LRRC20: variants seen among roughly 807,000 people sequenced by gnomAD.
LRRC20 encodes the protein leucine rich repeat containing 20, also known as leucine-rich repeat-containing protein 20.
Under a neutral mutation model 14.4 loss-of-function variants are expected in LRRC20, and 11 were observed. The ratio of observed to expected loss-of-function variants is 0.77; its 90% CI spans 0.48 to 1.27. LRRC20 has a LOEUF of 1.27. LRRC20 is among the 50% of genes most tolerant of loss of function. LRRC20 has a pLI of 0.00. For synonymous variants in LRRC20, 121 were observed against 107.3 expected (o/e 1.13, Z -0.79); for missense variants, 219 against 251.2 (o/e 0.87, Z 0.87).
intron 2 of LRRC20, among the ~76,000 whole-genome samples, chr10:70,372,755 T>G (rs1426831369): frequency 1.3e-5 from 2 of 152,054 alleles, no homozygotes; most frequent in African/African-American, 4.8e-5. Flanking sequence ...AATGTGCCAG[T>G]CTTTATTTAA....
chr10:70,369,071 T>C (rs1374934484), intron 2 of LRRC20, among the ~76,000 whole-genome samples: 1 of 152,250 alleles, frequency 6.6e-6, no homozygotes, highest in East Asian at 1.9e-4. Flanking sequence ...ATTGTTTCTT[T>C]AACTCAAGAC....
intron 3 of LRRC20, among the ~76,000 whole-genome samples, chr10:70,330,963 G>A (rs975983655): frequency 4.4e-4 from 67 of 152,356 alleles, no homozygotes; most frequent in Non-Finnish European, 2.2e-4. Context: ...GGGGACCCGG[G>A]GACCCTGAAC....
At chr10:70,375,853 G>A (rs1293921035) in intron 2 of LRRC20, among the ~76,000 whole-genome samples, 1 of 152,152 alleles carries the variant, frequency 6.6e-6, no homozygotes, top group South Asian at 2.1e-4. Flanking sequence ...TGCTGAATTC[G>A]ATTAAATGGG....
chr10:70,361,150 G>A (rs545304483), intron 2 of LRRC20, among the ~76,000 whole-genome samples: 3 of 152,240 alleles, frequency 2.0e-5, no homozygotes, highest in Admixed American at 6.5e-5. Context: ...AAGATTTGCT[G>A]GCTGTGAGCG....
chr10:70,336,949 G>T (rs1234255092), intron 3 of LRRC20, among the ~76,000 whole-genome samples: 1 of 152,182 alleles, frequency 6.6e-6, no homozygotes, highest in Admixed American at 6.5e-5. Context: ...TCTCTGCAGG[G>T]CCCACCTGCC....
chr10:70,347,665 C>G (rs1348214672), intron 2 of LRRC20, among the ~76,000 whole-genome samples: 1 of 151,830 alleles, frequency 6.6e-6, no homozygotes, highest in East Asian at 1.9e-4. Context: ...ACTAAAAATA[C>G]AAAAATCTGC....
At chr10:70,349,787 T>C (rs1048816657) in intron 2 of LRRC20, among the ~76,000 whole-genome samples, 1 of 152,148 alleles carries the variant, frequency 6.6e-6, no homozygotes, top group African/African-American at 2.4e-5. Flanking sequence ...AATGCAAAGA[T>C]TCAAAACCAA....
At chr10:70,377,519 T>G (rs1181861116) in intron 1 of LRRC20, among the ~76,000 whole-genome samples, 1 of 152,080 alleles carries the variant, frequency 6.6e-6, no homozygotes, top group Non-Finnish European at 1.5e-5. Context: ...GCTCACTTTT[T>G]TATAAAAATA....
At position 70,376,583 on chromosome 10, in the gene LRRC20, A is replaced by G. The variant is rs376758134; in HGVS notation, c.-50T>C. On this transcript the variant is annotated 5_prime_UTR_variant, in exon 2 of 5. Coordinates refer to ENST00000446961, the MANE Select transcript of LRRC20 (RefSeq NM_001278212.2). ...GCCCCCAGGCTGGTCTGCTTCTCAC[A>G]AAAGGGCCTGAGCCTGGGGAAGACG... 47 of 1,573,032 alleles carry G rather than the reference A, an allele frequency of 3.0e-5. No individual in the cohort carries two copies. Among genetic ancestry groups the G allele is most frequent in the Non-Finnish European group, 4.0e-5 (46 of 1,148,600 alleles).
At chr10:70,370,435 C>T (rs1184423759) in intron 2 of LRRC20, among the ~76,000 whole-genome samples, 2 of 152,138 alleles carry the variant, frequency 1.3e-5, no homozygotes, top group East Asian at 3.9e-4. Flanking sequence ...GAACAACAGA[C>T]TGAAACCCTC....
chr10:70,329,316 A>G (rs1348178547), intron 3 of LRRC20, among the ~76,000 whole-genome samples: 2 of 152,156 alleles, frequency 1.3e-5, no homozygotes, highest in Non-Finnish European at 2.9e-5. Flanking sequence ...GGGAAAAGCT[A>G]TCTTCTTCTT....
In LRRC20 at chr10:70,355,542, G is replaced by A. The variant is rs187083861; in HGVS notation, c.83-14840C>T. On this transcript the variant is annotated intron_variant, in intron 2 of 4. Transcript: ENST00000446961. ...GAAGAGAAGGGCAGAAAGGCACTTC[G>A]GGAAGGCGCGTCTTCTGAGACGTGG... is the stretch of plus-strand genomic sequence containing the variant. 6.1e-3 allele frequency among the ~76,000 whole-genome samples: 932 copies of A among 152,278 alleles called. 8 individuals carry two copies. Among genetic ancestry groups the A allele is most frequent in the Non-Finnish European group, 1.0e-2 (680 of 68,022 alleles).
chr10:70,326,508 G>A (rs1433100501), intron 3 of LRRC20, among the ~76,000 whole-genome samples: 3 of 152,210 alleles, frequency 2.0e-5, no homozygotes, highest in Non-Finnish European at 4.4e-5. Flanking sequence ...GAGGCAGACA[G>A]TGCAGGGGGC....
chr10:70,343,195 C>T (rs1345623086), intron 2 of LRRC20, among the ~76,000 whole-genome samples: 1 of 152,118 alleles, frequency 6.6e-6, no homozygotes, highest in Non-Finnish European at 1.5e-5. Context: ...TCATATAATG[C>T]GAACAAGACC....
At chr10:70,367,353 GAAAAAGA>G (rs1368691861) in intron 2 of LRRC20, among the ~76,000 whole-genome samples, 44 of 138,430 alleles carry the variant, frequency 3.2e-4, no homozygotes, top group Non-Finnish European at 5.4e-4. Flanking sequence ...AGAAAGAAAA[GAAAAAGA>G]AAAAGAAAAA....
intron 4 of LRRC20, among the ~76,000 whole-genome samples, chr10:70,310,439 T>G (rs1184233745): frequency 6.6e-6 from 1 of 152,110 alleles, no homozygotes; most frequent in Non-Finnish European, 1.5e-5. Flanking sequence ...CCATCACCAC[T>G]CACCACGTCC....
intron 2 of LRRC20, among the ~76,000 whole-genome samples, chr10:70,358,725 C>A (rs541635775): frequency 1.3e-5 from 2 of 152,306 alleles, no homozygotes; most frequent in East Asian, 3.9e-4. Flanking sequence ...CCTAGCCCCA[C>A]CTCCCCAGAA....
At chr10:70,326,447 C>T (rs1260072847) in intron 3 of LRRC20, among the ~76,000 whole-genome samples, 1 of 152,170 alleles carries the variant, frequency 6.6e-6, no homozygotes, top group Non-Finnish European at 1.5e-5. Flanking sequence ...CTTGCAGGCA[C>T]CTTGTGTCAC....
chr10:70,306,837 C>T (rs192357453), intron 4 of LRRC20, among the ~76,000 whole-genome samples: 5 of 152,170 alleles, frequency 3.3e-5, no homozygotes, highest in Admixed American at 3.3e-4. Context: ...AAATGATTTC[C>T]TAATGTCAAC....
Sources: allele counts gnomAD v4.1 joint callset (sites outside exome capture counted in the v4.1 genomes callset), GRCh38; gene constraint gnomAD v4.1.1; transcripts MANE v1.5; gene names NCBI Gene and HGNC (gene_info 2026-07-23, HGNC 2026-07-21).